ELN: variants seen among roughly 807,000 people sequenced by gnomAD.
ELN encodes the protein elastin, also known as tropoelastin.
Under a neutral mutation model 105.8 loss-of-function variants are expected in ELN, and 65 were observed. That is an observed-to-expected ratio of 0.61 (90% confidence interval 0.50 to 0.75). ELN has a LOEUF of 0.75. ELN is among the 30% of genes least tolerant of loss of function. The probability of loss-of-function intolerance (pLI) is 0.00; values close to 1 mark genes in which losing one functional copy is unlikely to be tolerated. For missense variants in ELN, 882 were observed against 969.4 expected, an observed-to-expected ratio of 0.91 and a Z score of 1.20; for synonymous variants, 368 against 389.2, an observed-to-expected ratio of 0.95 and a Z score of 0.64.
At chr7:74,053,661 T>C (rs1210502167) in intron 18 of ELN, among the ~76,000 whole-genome samples, 1 of 151,512 alleles carries the variant, frequency 6.6e-6, no homozygotes, top group Non-Finnish European at 1.5e-5. Context: ...AGTGGATGAA[T>C]GGGTGGGTGG....
In ELN at chr7:74,063,921, G is replaced by A. The variant is rs182127935; in HGVS notation, c.1993+226G>A. ...AGTTTGAGACCAGCCTGGGTGACAT[G>A]GCGAAACCTCATCTCTACCAAAAAT... On this transcript the variant is annotated intron_variant, in intron 29 of 32. Coordinates refer to ENST00000252034, the MANE Select transcript of ELN (RefSeq NM_000501.4). The surrounding 1 kb of genome is among the most constrained non-coding windows in gnomAD (Gnocchi z 4.1). Among the ~76,000 whole-genome samples the A allele has an allele frequency of 1.3e-5, 2 of 151,632 alleles. No homozygotes were observed. The highest frequency in any genetic ancestry group is 2.4e-5 in the African/African-American group (1 of 41,282).
chr7:74,035,861 C>T (rs1789817494), intron 2 of ELN, among the ~76,000 whole-genome samples: 1 of 151,928 alleles, frequency 6.6e-6, no homozygotes, highest in Admixed American at 6.6e-5. Context: ...ATCACTTGAG[C>T]TTAGGAGTTC....
intron 26 of ELN, chr7:74,062,343 C>G (rs1169388166): frequency 6.6e-6 from 1 of 152,252 alleles, no homozygotes; most frequent in African/African-American, 2.4e-5. Context: ...GTGGTGGAGC[C>G]GCGAAGGGCG....
chr7:74,057,361 G>A, intron 21 of ELN: 3 of 1,484,286 alleles, frequency 2.0e-6, no homozygotes, highest in African/African-American at 2.8e-5. Flanking sequence ...GGGCAAGGCT[G>A]AAAGTTCTCC....
intron 31 of ELN, among the ~76,000 whole-genome samples, chr7:74,066,375 T>C (rs1797959495): frequency 6.6e-6 from 1 of 152,064 alleles, no homozygotes; most frequent in African/African-American, 2.4e-5. Context: ...GAGACCAGTC[T>C]GGTCAACATG....
At chr7:74,047,636 C>G in intron 12 of ELN, 39 bp from the exon 13 acceptor site, 1 of 1,614,024 alleles carries the variant, frequency 6.2e-7, no homozygotes. Context: ...CCCAGCAAGG[C>G]ATGGGGCAGC....
intron 1 of ELN, among the ~76,000 whole-genome samples, 188 bp from the exon 2 acceptor site, chr7:74,035,176 T>C (rs1789609024): frequency 6.6e-6 from 1 of 152,212 alleles, no homozygotes; most frequent in Non-Finnish European, 1.5e-5. Flanking sequence ...AGAGCAAGAA[T>C]GAGAACACAC....
chr7:74,051,712 C>T (rs1794076409), intron 15 of ELN, 38 bp from the exon 16 acceptor site: 1 of 1,611,630 alleles, frequency 6.2e-7, no homozygotes, highest in East Asian at 2.2e-5. Context: ...TCAGGAGGGT[C>T]CTTGGGAAAC....
chr7:74,060,161 A>G lies in ELN; in HGVS notation c.1598A>G (p.Lys533Arg), dbSNP rs1554683304. 1 of 1,614,120 alleles carries G rather than the reference A, an allele frequency of 6.2e-7. No homozygotes were observed. Among genetic ancestry groups the G allele is most frequent in the Non-Finnish European group, 8.5e-7 (1 of 1,180,028 alleles). Residue 533 changes from lysine (K) to arginine (R), a missense_variant, in exon 24 of 33, where the codon AAG (lysine) becomes AGG (arginine). By Grantham distance (26) the Lys-to-Arg change is conservative. Transcript: ENST00000252034. The stretch of plus-strand genomic sequence containing the variant: ...TCAGCTGCAGCAAAATCCGCTGCCA[A>G]GGTGGCTGCCAAAGCCCAGCTCCGT... ...GVAAAAKSAAKVAAKAQLRAA... is the reference protein window; with the variant it reads ...GVAAAAKSAARVAAKAQLRAA...
At chr7:74,037,647 G>A (rs1305685647) in intron 3 of ELN, 60 bp from the exon 4 acceptor site, 1 of 1,589,692 alleles carries the variant, frequency 6.3e-7, no homozygotes, top group Non-Finnish European at 8.6e-7. Flanking sequence ...TTGGGGGTTG[G>A]ATAAGTAGTA....
At chr7:74,048,336 G>A in intron 14 of ELN, 135 bp downstream of exon 14, 1 of 1,507,194 alleles carries the variant, frequency 6.6e-7, no homozygotes, top group South Asian at 1.1e-5. Flanking sequence ...ACCTGGAGCA[G>A]GATCCTGGGG....
intron 1 of ELN, 120 bp downstream of exon 1, chr7:74,028,389 G>A: frequency 8.3e-7 from 1 of 1,201,818 alleles, no homozygotes; most frequent in Non-Finnish European, 1.2e-6. Flanking sequence ...TCCCAGGTGG[G>A]AGCCCCTCAG....
chr7:74,063,296 GT>G lies in ELN; in HGVS notation c.1859-13del. 6.4e-7 allele frequency: 1 copy of G among 1,562,652 alleles called. No individual in the cohort carries two copies. The highest frequency in any genetic ancestry group is 8.7e-7 in the Non-Finnish European group (1 of 1,153,530). On this transcript the variant is annotated splice_polypyrimidine_tract_variant and intron_variant, in intron 27 of 32. Coordinates refer to ENST00000252034, the MANE Select transcript of ELN (RefSeq NM_000501.4). The surrounding 1 kb of genome is among the most constrained non-coding windows in gnomAD (Gnocchi z 4.1). ...AGTACAGAGTGCCTCCCTGAACTCG[GT>G]CTGTGTTCCCAGGAGCCGGACCCGC... is the stretch of plus-strand genomic sequence containing the variant.
intron 25 of ELN, chr7:74,060,715 C>A: frequency 7.7e-7 from 1 of 1,307,090 alleles, no homozygotes; most frequent in Non-Finnish European, 1.1e-6. Context: ...GTATCTGCCT[C>A]CTCAGTAGAG....
At chr7:74,054,619 G>C in intron 18 of ELN, 97 bp from the exon 19 acceptor site, 1 of 1,267,926 alleles carries the variant, frequency 7.9e-7, no homozygotes, top group Non-Finnish European at 1.2e-6. Context: ...CATGAAAGGA[G>C]ATGGCCCAAC....
chr7:74,035,338 G>A (rs1432990446), intron 1 of ELN, 26 bp from the exon 2 acceptor site: 4 of 1,613,760 alleles, frequency 2.5e-6, no homozygotes, highest in Non-Finnish European at 3.4e-6. Flanking sequence ...GCTCCTGGAG[G>A]ACTGACTCTA....
chr7:74,052,887 G>A (rs542527737), intron 17 of ELN: 5 of 502,502 alleles, frequency 1.0e-5, no homozygotes, highest in South Asian at 2.3e-5. Context: ...GAGAGAGAGA[G>A]AGAAAGAAAG....
chr7:74,067,997 T>A (rs1298587381), intron 32 of ELN, among the ~76,000 whole-genome samples: 3 of 149,156 alleles, frequency 2.0e-5, no homozygotes, highest in African/African-American at 7.5e-5. Context: ...CCCCACTCTC[T>A]GCTCACTGCC....
intron 20 of ELN, 112 bp from the exon 21 acceptor site, chr7:74,056,560 A>C (rs1554679990): frequency 2.5e-6 from 4 of 1,598,970 alleles, no homozygotes; most frequent in Non-Finnish European, 3.4e-6. Context: ...GAGTTGGGGG[A>C]GAAGAAGGGA....
Sources: gnomAD v4.1 joint callset for allele counts (sites outside exome capture counted in the v4.1 genomes callset) on GRCh38, gnomAD v4.1.1 for gene constraint, Gnocchi (gnomAD v3.1) non-coding constraint, MANE v1.5 for transcripts, NCBI Gene and HGNC (gene_info 2026-07-23, HGNC 2026-07-21) for gene names.